Variants in INPP5F observed in about 807,000 individuals in gnomAD.
INPP5F encodes inositol polyphosphate-5-phosphatase F.
Under a neutral mutation model 137.2 loss-of-function variants are expected in INPP5F, and 97 were observed. That is an observed-to-expected ratio of 0.71 (90% CI 0.60 to 0.84). INPP5F has a LOEUF of 0.84. Among genes scored for constraint, INPP5F ranks in the 40% least tolerant of loss-of-function variants. The probability of loss-of-function intolerance (pLI) is 0.00; values close to 1 mark genes in which losing one functional copy is unlikely to be tolerated. For synonymous variants in INPP5F, 504 were observed against 476.9 expected (o/e 1.06, Z -0.74); for missense variants, 1,271 against 1,371.9 (o/e 0.93, Z 1.16).
At chr10:119,790,405 TA>T (rs1487145954) in intron 3 of INPP5F, among the ~76,000 whole-genome samples, 2 of 152,166 alleles carry the variant, frequency 1.3e-5, no homozygotes, top group Non-Finnish European at 2.9e-5. Flanking sequence ...AGGAGCAGCT[TA>T]AAGCTGTAAT....
intron 2 of INPP5F, among the ~76,000 whole-genome samples, chr10:119,753,399 G>A (rs1220908726): frequency 6.6e-6 from 1 of 152,134 alleles, no homozygotes; most frequent in Non-Finnish European, 1.5e-5. Context: ...AAAAGTTAAT[G>A]GCTTAAAACA....
intron 1 of INPP5F, among the ~76,000 whole-genome samples, chr10:119,742,571 A>G (rs561188541): frequency 7.2e-5 from 11 of 152,332 alleles, no homozygotes; most frequent in African/African-American, 2.4e-4. Context: ...GATACCTCCA[A>G]TAGGACTTGG....
intron 2 of INPP5F, among the ~76,000 whole-genome samples, chr10:119,762,666 G>T (rs1354632414): frequency 2.6e-5 from 4 of 152,160 alleles, no homozygotes; most frequent in Admixed American, 6.5e-5. Flanking sequence ...ACAGGAGGAT[G>T]TGTATAGGTA....
intron 1 of INPP5F, among the ~76,000 whole-genome samples, chr10:119,743,173 T>C (rs980494710): frequency 2.6e-5 from 4 of 152,192 alleles, no homozygotes; most frequent in Non-Finnish European, 5.9e-5. Context: ...TCCTTCCAAC[T>C]TGATTCTGTG....
chr10:119,788,046 T>C (rs1037403603), intron 3 of INPP5F, among the ~76,000 whole-genome samples: 2 of 152,006 alleles, frequency 1.3e-5, no homozygotes, highest in African/African-American at 4.8e-5. Flanking sequence ...CATGAAGTGG[T>C]TGGGGTTGAT....
In INPP5F at chr10:119,811,815, A is replaced by C; in HGVS notation, c.1746A>C (p.Lys582Asn). 1 of 1,614,192 alleles carries C rather than the reference A, an allele frequency of 6.2e-7. No individual in the cohort carries two copies. The highest frequency in any genetic ancestry group is 1.3e-5 in the African/African-American group (1 of 75,064). ...TTTATTCCATATTTACCAAGGAGAA[A>C]GAACATGAAGCTTTGCATAAGGAAA... ...EDLYSIFTKEKEHEALHKENQ... is the reference protein window; with the variant it reads ...EDLYSIFTKENEHEALHKENQ... The change falls in exon 15 of 20, where the codon AAA becomes AAC. Residue 582 changes from lysine (K) to asparagine (N), a missense_variant. By Grantham distance (94) the Lys-to-Asn change is moderately conservative. Coordinates refer to ENST00000650623, the MANE Select transcript of INPP5F (RefSeq NM_014937.4).
intron 2 of INPP5F, among the ~76,000 whole-genome samples, chr10:119,774,598 T>A (rs1849462841): frequency 6.6e-6 from 1 of 151,878 alleles, no homozygotes; most frequent in South Asian, 2.1e-4. Context: ...CCTCCCAAAG[T>A]GCTGGAAGTA....
chr10:119,810,008 T>C, intron 13 of INPP5F, 92 bp from the exon 14 acceptor site: 1 of 741,326 alleles, frequency 1.3e-6, no homozygotes, highest in Admixed American at 2.2e-5. Context: ...TAAAAGCCTG[T>C]AGAATTCTAG....
Position 119,797,529 on chromosome 10 carries a change from T to A in INPP5F, c.937T>A (p.Leu313Met), listed in dbSNP as rs1163390981. The change falls in exon 8 of 20, where the codon TTG (leucine) becomes ATG (methionine). Residue 313 changes from leucine (L) to methionine (M), a missense_variant. Leu to Met is a conservative substitution (Grantham distance 15, BLOSUM62 2). Transcript: ENST00000650623. ...TGCCAATTATGTGGAGACTGAGCAG[T>A]TGATTCATGTTCATAATCATACCCT... ...NVANYVETEQ[L>M]IHVHNHTLSF... 2 of 1,612,652 alleles carry A rather than the reference T, an allele frequency of 1.2e-6. No individual in the cohort carries two copies. The highest frequency in any genetic ancestry group is 1.7e-6 in the Non-Finnish European group (2 of 1,179,210).
At chr10:119,740,425 T>C (rs1239101322) in intron 1 of INPP5F, among the ~76,000 whole-genome samples, 2 of 152,242 alleles carry the variant, frequency 1.3e-5, no homozygotes, top group Non-Finnish European at 2.9e-5. Flanking sequence ...GGGGCATATC[T>C]AGGCATTAAG....
intron 2 of INPP5F, among the ~76,000 whole-genome samples, chr10:119,771,269 G>A (rs1849326110): frequency 6.6e-6 from 1 of 152,102 alleles, no homozygotes; most frequent in African/African-American, 2.4e-5. Flanking sequence ...GATTGTCCAT[G>A]TTGAAACATG....
intron 1 of INPP5F, among the ~76,000 whole-genome samples, chr10:119,731,413 C>T (rs1848061751): frequency 1.3e-5 from 2 of 152,010 alleles, no homozygotes; most frequent in African/African-American, 2.4e-5. Context: ...CCTGTAATCC[C>T]AGCACTTTGG....
intron 3 of INPP5F, among the ~76,000 whole-genome samples, chr10:119,789,299 G>C (rs1211355353): frequency 6.6e-6 from 1 of 151,874 alleles, no homozygotes; most frequent in African/African-American, 2.4e-5. Context: ...TCTGTAGCTC[G>C]GTTTTGAGCA....
At chr10:119,813,235 G>A (rs1232612361) in intron 15 of INPP5F, among the ~76,000 whole-genome samples, 1 of 152,204 alleles carries the variant, frequency 6.6e-6, no homozygotes, top group Non-Finnish European at 1.5e-5. Flanking sequence ...AATGTAAAGT[G>A]TATATAGCTT....
At chr10:119,772,727 C>A (rs1849403660) in intron 2 of INPP5F, among the ~76,000 whole-genome samples, 1 of 152,034 alleles carries the variant, frequency 6.6e-6, no homozygotes, top group Non-Finnish European at 1.5e-5. Context: ...GTGTGGAGAA[C>A]CAATTATTTC....
At chr10:119,739,739 C>T (rs1301367028) in intron 1 of INPP5F, among the ~76,000 whole-genome samples, 4 of 152,110 alleles carry the variant, frequency 2.6e-5, no homozygotes, top group East Asian at 3.9e-4. Context: ...AGGTGATCCT[C>T]CCACTTTAGC....
chr10:119,781,584 A>G, intron 2 of INPP5F, 51 bp from the exon 3 acceptor site: 3 of 1,526,036 alleles, frequency 2.0e-6, no homozygotes, highest in Non-Finnish European at 2.7e-6. Context: ...AACTTGTCAG[A>G]ACAGTAGCAC....
intron 3 of INPP5F, among the ~76,000 whole-genome samples, chr10:119,789,943 C>T (rs1249292070): frequency 3.3e-5 from 5 of 150,860 alleles, no homozygotes; most frequent in African/African-American, 4.9e-5. Flanking sequence ...GGGACTCAGA[C>T]GCTACTGAGA....
At chr10:119,775,856 T>C (rs111925722) in intron 2 of INPP5F, among the ~76,000 whole-genome samples, 2 of 152,212 alleles carry the variant, frequency 1.3e-5, no homozygotes, top group African/African-American at 4.8e-5. Context: ...ATTTGAATGT[T>C]TCTTAGTTTT....
Sources: gnomAD v4.1 joint callset for allele counts (sites outside exome capture counted in the v4.1 genomes callset) on GRCh38, gnomAD v4.1.1 for gene constraint, MANE v1.5 for transcripts, NCBI Gene and HGNC (gene_info 2026-07-23, HGNC 2026-07-21) for gene names.